The following IDUA variants were observed in gnomAD, a reference collection of about 807,000 sequenced individuals.
IDUA encodes the protein iduronidase alpha-L-.
In IDUA, 65 loss-of-function variants were observed where a neutral mutation model predicts 68.9. The observed-to-expected ratio is 0.94, with a 90% CI of 0.77 to 1.16. The LOEUF (loss-of-function observed/expected upper bound fraction) is 1.16. Among genes scored for constraint, IDUA ranks in the 50% most tolerant of loss-of-function variants. The probability of loss-of-function intolerance (pLI) is 0.00; values close to 1 mark genes in which losing one functional copy is unlikely to be tolerated. For synonymous variants in IDUA, 529 were observed against 433.6 expected, an observed-to-expected ratio of 1.22 and a Z score of -2.73; for missense variants, 1,046 against 938.0, an observed-to-expected ratio of 1.12 and a Z score of -1.50.
chr4:1,004,154 C>T lies in IDUA; in HGVS notation c.1828+42C>T, dbSNP rs1410772841. 3 of 1,611,648 alleles carry T rather than the reference C, an allele frequency of 1.9e-6. No homozygotes were observed. Among genetic ancestry groups the T allele is most frequent in the South Asian group, 1.1e-5 (1 of 91,052 alleles). On this transcript the variant is annotated intron_variant, in intron 13 of 13. Transcript: ENST00000514224. This position sits in a 1 kb window ranked among gnomAD's most constrained non-coding sequence, Gnocchi z 5.0. ...CTGCCCTGGACTCGGCCACCCCATT[C>T]TTGGGCCTCAGGGCAGTACTGGGTG...
At chr4:989,023 G>GC in intron 2 of IDUA, 2 of 1,585,946 alleles carry the variant, frequency 1.3e-6, no homozygotes, top group Non-Finnish European at 1.7e-6. Context: ...GATGCCCAGG[G>GC]CCCCGTAGTC....
chr4:1,002,678 G>T (rs1385709424), intron 8 of IDUA, 54 bp from the exon 9 acceptor site: 2 of 1,310,960 alleles, frequency 1.5e-6, no homozygotes, highest in South Asian at 2.7e-5. Context: ...GCCCTGGGTC[G>T]GGGGGCGGCT....
Position 1,003,998 on chromosome 4 carries a change from C to T in IDUA, c.1728-14C>T, listed in dbSNP as rs1715288109. On this transcript the variant is annotated splice_polypyrimidine_tract_variant and intron_variant, in intron 12 of 13. Transcript: ENST00000514224. Reference sequence around the variant, plus strand: ...GTCTTGACCCCAGCCTTGTTCTTGGCCTGACCTCCCCAGGTGCCTGTGGAC... The same window carrying T: ...GTCTTGACCCCAGCCTTGTTCTTGGTCTGACCTCCCCAGGTGCCTGTGGAC... 1 of 1,605,018 alleles carries T rather than the reference C, an allele frequency of 6.2e-7. No homozygotes were observed. The highest frequency in any genetic ancestry group is 8.5e-7 in the Non-Finnish European group (1 of 1,173,062).
At chr4:998,407 C>T (rs374930827) in intron 2 of IDUA, among the ~76,000 whole-genome samples, 46 of 152,228 alleles carry the variant, frequency 3.0e-4, no homozygotes, top group East Asian at 1.2e-3. Flanking sequence ...GGCCAGATTC[C>T]GGTCCATGGT....
chr4:996,484 C>T (rs968024591), intron 2 of IDUA, among the ~76,000 whole-genome samples: 6 of 152,226 alleles, frequency 3.9e-5, no homozygotes, highest in African/African-American at 1.4e-4. Flanking sequence ...GGAGGTGGCC[C>T]TTCCCCCCTC....
At position 989,921 on chromosome 4, in the gene IDUA, G is replaced by A. The variant is rs569131932; in HGVS notation, c.299+1972G>A. ...AGGGCCACGGCATCCAAAGCCACAC[G>A]CTGCATCAGCCTGGGCTCTGGGACC... On this transcript the variant is annotated intron_variant, in intron 2 of 13. Coordinates refer to ENST00000514224, the MANE Select transcript of IDUA (RefSeq NM_000203.5). 5.5e-5 allele frequency: 86 copies of A among 1,559,650 alleles called. No individual in the cohort carries two copies. The East Asian group carries it at 1.7e-3, about 32-fold the overall frequency.
chr4:1,000,492 G>A, intron 2 of IDUA, 120 bp from the exon 3 acceptor site: 1 of 797,194 alleles, frequency 1.3e-6, no homozygotes, highest in South Asian at 1.4e-5. Context: ...GGGAAGCCGG[G>A]ATCGGAGTCC....
At chr4:993,734 G>T (rs1031139601) in intron 2 of IDUA, among the ~76,000 whole-genome samples, 2 of 152,230 alleles carry the variant, frequency 1.3e-5, no homozygotes, top group Admixed American at 6.5e-5. Flanking sequence ...TTCAAACCCA[G>T]GCGGGGCTGA....
chr4:1,002,227 G>T (rs1216236648), intron 7 of IDUA, 42 bp from the exon 8 acceptor site: 5 of 1,584,402 alleles, frequency 3.2e-6, no homozygotes, highest in Non-Finnish European at 4.3e-6. Context: ...CAGGCGAGCG[G>T]TGGCCGCGCC....
intron 2 of IDUA, among the ~76,000 whole-genome samples, chr4:998,122 G>A (rs1714853942): frequency 6.6e-6 from 1 of 152,198 alleles, no homozygotes. Context: ...TTGGATGGAG[G>A]GGAGGAGAGG....
rs1715089157 is a variant in IDUA, at chr4:1,001,729, C to T, written c.640C>T (p.Pro214Ser). 7 of 1,599,890 alleles carry T rather than the reference C, an allele frequency of 4.4e-6. No homozygotes were observed. The highest frequency in any genetic ancestry group is 5.9e-6 in the Non-Finnish European group (7 of 1,178,720). The change falls in exon 6 of 14, where the codon CCC becomes TCC. Residue 214 changes from proline (P) to serine (S), a missense_variant. Transcript: ENST00000514224. ...ACSEGLRAAS[P>S]ALRLGGPGDS... ...CTCGGAGGGTCTGCGCGCCGCCAGC[C>T]CCGCCCTGCGGCTGGGAGGCCCCGG...
At chr4:999,153 C>G (rs951905021) in intron 2 of IDUA, among the ~76,000 whole-genome samples, 7 of 151,034 alleles carry the variant, frequency 4.6e-5, no homozygotes, top group Admixed American at 4.0e-4. Flanking sequence ...TGCAGTGAGC[C>G]GAGATCGCGC....
At chr4:991,758 A>G (rs1184662672) in intron 2 of IDUA, 3 of 1,530,510 alleles carry the variant, frequency 2.0e-6, no homozygotes, top group South Asian at 1.2e-5. Context: ...GCATGGTCAC[A>G]GGAGCCCCCG....
chr4:989,193 G>A (rs1378787194), intron 2 of IDUA: 9 of 1,607,112 alleles, frequency 5.6e-6, no homozygotes, highest in Admixed American at 1.7e-5. Flanking sequence ...CTCCCTCACC[G>A]ACCCCCGTCT....
rs141304503 is a variant in IDUA at position 1,004,035 on chromosome 4, A to G, written c.1751A>G (p.Gln584Arg). 1.9e-6 allele frequency: 3 copies of G among 1,611,406 alleles called. No individual in the cohort carries two copies. Among genetic ancestry groups the G allele is most frequent in the Non-Finnish European group, 2.5e-6 (3 of 1,179,464 alleles). ...GSKCLWTYEI[Q>R]FSQDGKAYTP... ...AGGTGCCTGTGGACATACGAGATCC[A>G]GTTCTCTCAGGACGGTAAGGCGTAC... The change falls in exon 13 of 14, where the codon CAG becomes CGG. Residue 584 changes from glutamine (Q) to arginine (R), a missense_variant. Coordinates refer to ENST00000514224, the MANE Select transcript of IDUA (RefSeq NM_000203.5). The surrounding 1 kb of genome is among the most constrained non-coding windows in gnomAD (Gnocchi z 5.0).
At chr4:1,001,135 A>G in intron 4 of IDUA, 146 bp downstream of exon 4, 1 of 652,234 alleles carries the variant, frequency 1.5e-6, no homozygotes, top group Non-Finnish European at 2.7e-6. Flanking sequence ...GTGACAAGGG[A>G]TAGGTTGGTG....
Position 1,002,152 on chromosome 4 carries a change from G to A in IDUA, c.963G>A (p.Met321Ile), listed in dbSNP as rs1230336914. 3 of 1,556,828 alleles carry A rather than the reference G, an allele frequency of 1.9e-6. No individual in the cohort carries two copies. Among genetic ancestry groups the A allele is most frequent in the Non-Finnish European group, 1.7e-6 (2 of 1,150,542 alleles). ...GGGCGGACGTGACCTACGCGGCCAT[G>A]GTGGTGAAGGTGGGCCGGCCCAACG... The part of the protein sequence containing the change: ...PWRADVTYAA[M>I]VVKVIAQHQN... The change falls in exon 7 of 14, where the codon ATG (methionine) becomes ATA (isoleucine). Residue 321 changes from methionine (M) to isoleucine (I), a missense_variant. Met to Ile is a conservative substitution (Grantham distance 10). Transcript: ENST00000514224.
intron 2 of IDUA, among the ~76,000 whole-genome samples, chr4:997,301 C>A (rs568983427): frequency 6.6e-6 from 1 of 151,876 alleles, no homozygotes; most frequent in Non-Finnish European, 1.5e-5. Context: ...CCCGCGCCCC[C>A]AGCCCAGCGG....
chr4:989,808 C>G, intron 2 of IDUA: 3 of 1,577,180 alleles, frequency 1.9e-6, no homozygotes, highest in Non-Finnish European at 2.6e-6. Flanking sequence ...CCACAGCCAG[C>G]AGCTCCTGGT....
Sources: allele counts gnomAD v4.1 joint callset (sites outside exome capture counted in the v4.1 genomes callset), GRCh38; gene constraint gnomAD v4.1.1; non-coding constraint Gnocchi (gnomAD v3.1); transcripts MANE v1.5; gene names NCBI Gene and HGNC (gene_info 2026-07-23, HGNC 2026-07-21).